The following E2F5 variants were observed in gnomAD, a reference collection of about 807,000 sequenced individuals.
E2F5 encodes the protein transcription factor E2F5.
E2F5 carries 23 observed loss-of-function variants against 39.1 expected under a neutral mutation model. The ratio of observed to expected loss-of-function variants is 0.59; its 90% CI spans 0.42 to 0.83. The LOEUF (loss-of-function observed/expected upper bound fraction) is 0.83. Among genes scored for constraint, E2F5 ranks in the 40% least tolerant of loss-of-function variants. The pLI is 0.00. For missense variants in E2F5, 365 were observed against 406.7 expected, an observed-to-expected ratio of 0.90 and a Z score of 0.88; for synonymous variants, 145 against 157.8, an observed-to-expected ratio of 0.92 and a Z score of 0.61.
At chr8:85,186,419 T>G (rs1042535942) in intron 1 of E2F5, among the ~76,000 whole-genome samples, 1 of 151,862 alleles carries the variant, frequency 6.6e-6, no homozygotes, top group African/African-American at 2.4e-5. Context: ...GACGAGTTGA[T>G]GGTTGCAGCA....
chr8:85,189,275 A>G (rs755603096), intron 1 of E2F5, among the ~76,000 whole-genome samples: 3 of 152,238 alleles, frequency 2.0e-5, no homozygotes, highest in Non-Finnish European at 4.4e-5. Flanking sequence ...CCAGTATGCA[A>G]CCACTCACAG....
chr8:85,213,505 T>G (rs1002553034), intron 7 of E2F5: 1 of 190,268 alleles, frequency 5.3e-6, no homozygotes, highest in African/African-American at 3.1e-5. Context: ...ATCGAGCTAC[T>G]GCACTCCAGC....
rs58534127 is a variant in E2F5, at chr8:85,191,970, A to G, written c.235-10177A>G. On this transcript the variant is annotated intron_variant, in intron 1 of 7. Transcript: ENST00000416274. ...GTACATTTGAGAGGCTATAAATCAG[A>G]TGACTGTTGTGTGAAGAGAATATTG... is the stretch of plus-strand genomic sequence containing the variant. 3.8e-3 allele frequency among the ~76,000 whole-genome samples: 579 copies of G among 152,286 alleles called. 4 individuals carry two copies. Among genetic ancestry groups the G allele is most frequent in the African/African-American group, 0.013 (545 of 41,558 alleles).
At chr8:85,208,875 T>C (rs1170436703) in intron 5 of E2F5, among the ~76,000 whole-genome samples, 1 of 152,162 alleles carries the variant, frequency 6.6e-6, no homozygotes, top group African/African-American at 2.4e-5. Context: ...TCACACACGG[T>C]AACAACAGAT....
At chr8:85,179,258 T>A (rs994737633) in intron 1 of E2F5, among the ~76,000 whole-genome samples, 1 of 152,210 alleles carries the variant, frequency 6.6e-6, no homozygotes, top group African/African-American at 2.4e-5. Context: ...CAGGGAAGTT[T>A]GGGGTTTTCC....
intron 1 of E2F5, among the ~76,000 whole-genome samples, chr8:85,181,206 C>T (rs1812205555): frequency 6.6e-6 from 1 of 152,138 alleles, no homozygotes; most frequent in Non-Finnish European, 1.5e-5. Context: ...AAAAGTATAT[C>T]AAACTTCAAG....
chr8:85,188,746 G>A (rs1233438174), intron 1 of E2F5, among the ~76,000 whole-genome samples: 1 of 152,146 alleles, frequency 6.6e-6, no homozygotes, highest in Non-Finnish European at 1.5e-5. Context: ...GCACTAGCCT[G>A]GAACATGGGG....
At chr8:85,188,233 A>G (rs1812384466) in intron 1 of E2F5, among the ~76,000 whole-genome samples, 1 of 152,036 alleles carries the variant, frequency 6.6e-6, no homozygotes, top group East Asian at 1.9e-4. Flanking sequence ...GATGCTGCAT[A>G]AATTGCTTAT....
chr8:85,200,622 T>C (rs946501600), intron 1 of E2F5, among the ~76,000 whole-genome samples: 2 of 152,212 alleles, frequency 1.3e-5, no homozygotes, highest in Non-Finnish European at 1.5e-5. Context: ...CACAGAGCCA[T>C]GGCTTGGAGT....
chr8:85,194,271 G>A (rs575434314), intron 1 of E2F5, among the ~76,000 whole-genome samples: 3 of 152,076 alleles, frequency 2.0e-5, no homozygotes, highest in Admixed American at 6.5e-5. Context: ...TGGGCTATTC[G>A]GCAGTTAATG....
In E2F5 at chr8:85,209,417, C is replaced by T. The variant is rs774972329; in HGVS notation, c.883+8C>T. On this transcript the variant is annotated splice_region_variant and intron_variant, in intron 6 of 7. Coordinates refer to ENST00000416274, the MANE Select transcript of E2F5 (RefSeq NM_001951.4). ...CTACAGATATATCTTCAGGTGGGTT[C>T]AGAGCCTTTCTTTTGTAAATTAGAG... The T allele has an allele frequency of 1.3e-6, 2 of 1,588,238 alleles. No individual in the cohort carries two copies. The highest frequency in any genetic ancestry group is 2.3e-5 in the East Asian group (1 of 43,956).
At chr8:85,180,739 G>A (rs915302786) in intron 1 of E2F5, among the ~76,000 whole-genome samples, 3 of 150,238 alleles carry the variant, frequency 2.0e-5, no homozygotes, top group Non-Finnish European at 3.0e-5. Flanking sequence ...CATCACGCCC[G>A]GCTAATTTTT....
intron 1 of E2F5, among the ~76,000 whole-genome samples, chr8:85,182,443 C>T (rs186158504): frequency 1.3e-5 from 2 of 152,262 alleles, no homozygotes; most frequent in Admixed American, 1.3e-4. Context: ...TTGTTATTCT[C>T]TATGTTATAC....
intron 1 of E2F5, among the ~76,000 whole-genome samples, chr8:85,180,847 G>A (rs1402416094): frequency 2.0e-5 from 3 of 151,464 alleles, no homozygotes; most frequent in Non-Finnish European, 4.4e-5. Flanking sequence ...CCAAAGTGCT[G>A]GGATTACAAG....
intron 1 of E2F5, among the ~76,000 whole-genome samples, chr8:85,190,799 C>T (rs1652076586): frequency 6.6e-6 from 1 of 152,030 alleles, no homozygotes; most frequent in South Asian, 2.1e-4. Flanking sequence ...CCACCGTGCC[C>T]AGCCAAGATG....
intron 6 of E2F5, among the ~76,000 whole-genome samples, chr8:85,209,858 A>G (rs1030905197): frequency 2.6e-5 from 4 of 152,218 alleles, no homozygotes; most frequent in Admixed American, 6.5e-5. Flanking sequence ...ATCTTTAAGT[A>G]TGGACCATAG....
In E2F5 at chr8:85,200,121, C is replaced by A. The variant is rs571026876; in HGVS notation, c.235-2026C>A. 2.0e-5 allele frequency among the ~76,000 whole-genome samples: 3 copies of A among 152,226 alleles called. No homozygotes were observed. The East Asian group carries it at 5.8e-4, about 29-fold the overall frequency. ...AATTAGCCAGTCGTGGTGGTACACA[C>A]CTGTAGTCCCAGCTACTTGGGAGGC... On this transcript the variant is annotated intron_variant, in intron 1 of 7. Coordinates refer to ENST00000416274, the MANE Select transcript of E2F5 (RefSeq NM_001951.4).
In E2F5 at chr8:85,202,102, T is replaced by C. The variant is rs564820834; in HGVS notation, c.235-45T>C. On this transcript the variant is annotated intron_variant, in intron 1 of 7. Coordinates refer to ENST00000416274, the MANE Select transcript of E2F5 (RefSeq NM_001951.4). ...ATCAACCCTTTTTGGCTTTAAAATA[T>C]GACTTGCCCTTTATTTCACTGTTCT... The C allele has an allele frequency of 6.1e-5, 92 of 1,507,946 alleles. 1 individual carries two copies. In the South Asian group the frequency reaches 1.0e-3, roughly 17 times the overall value. The allele number at this position is 1,507,946 out of a possible 1,614,324, so 93.4% of individuals were successfully genotyped here.
intron 1 of E2F5, among the ~76,000 whole-genome samples, chr8:85,188,795 A>G (rs996838823): frequency 2.0e-5 from 3 of 152,142 alleles, no homozygotes; most frequent in Non-Finnish European, 2.9e-5. Flanking sequence ...TACTTTGGCA[A>G]TCCTAGCATT....
Sources: gnomAD v4.1 joint callset for allele counts (sites outside exome capture counted in the v4.1 genomes callset) on GRCh38, gnomAD v4.1.1 for gene constraint, MANE v1.5 for transcripts, NCBI Gene and HGNC (gene_info 2026-07-23, HGNC 2026-07-21) for gene names.